The following MTUS1 variants were observed in gnomAD, a reference collection of about 807,000 sequenced individuals.
MTUS1 encodes the protein microtubule-associated tumor suppressor 1.
Under a neutral mutation model 120.8 loss-of-function variants are expected in MTUS1, and 109 were observed. The ratio of observed to expected loss-of-function variants is 0.90; its 90% confidence interval spans 0.77 to 1.06. The LOEUF is 1.06. Among genes scored for constraint, MTUS1 ranks in the 50% least tolerant of loss-of-function variants. The pLI, the probability that MTUS1 is intolerant of heterozygous loss-of-function variation, is 0.00. For synonymous variants in MTUS1, 737 were observed against 550.5 expected (o/e 1.34, Z -4.74); for missense variants, 2,210 against 1,486.3 (o/e 1.49, Z -8.01).
At chr8:17,659,623 G>A (rs1026687539) in intron 8 of MTUS1, among the ~76,000 whole-genome samples, 24 of 151,998 alleles carry the variant, frequency 1.6e-4, no homozygotes, top group African/African-American at 2.4e-4. Context: ...GCTTGAACCC[G>A]GGAGGCAGAG....
At chr8:17,713,118 T>C (rs1821656867) in intron 6 of MTUS1, 96 bp downstream of exon 6, 2 of 1,011,244 alleles carry the variant, frequency 2.0e-6, no homozygotes, top group East Asian at 4.8e-5. Flanking sequence ...AAATTCTACT[T>C]ATAAGCACAC....
chr8:17,646,644 C>A (rs966965608), intron 14 of MTUS1, among the ~76,000 whole-genome samples: 4 of 152,108 alleles, frequency 2.6e-5, no homozygotes, highest in Admixed American at 6.5e-5. Context: ...AGGCTGAGAG[C>A]CACTTTTGCA....
chr8:17,713,378 A>C (rs1821711951), intron 5 of MTUS1, 126 bp from the exon 6 acceptor site: 2 of 639,658 alleles, frequency 3.1e-6, no homozygotes, highest in African/African-American at 1.9e-5. Flanking sequence ...CCCGGTGGGA[A>C]ATATCACCGA....
rs182570547 is a variant in MTUS1, at chr8:17,696,606, C to T, written c.2624-12064G>A. Among the ~76,000 whole-genome samples the T allele has an allele frequency of 4.9e-4, 74 of 152,256 alleles. 2 individuals carry two copies. The highest frequency in any genetic ancestry group is 1.7e-3 in the African/African-American group (69 of 41,540). Reference sequence around the variant, plus strand: ...CTAAAAGTGAGCAGACAGGTCACCACGTGCCTAAAATATATACTAAATTTA... The same window carrying T: ...CTAAAAGTGAGCAGACAGGTCACCATGTGCCTAAAATATATACTAAATTTA... On this transcript the variant is annotated intron_variant, in intron 6 of 14. Transcript: ENST00000693296.
rs377602735 is a variant in MTUS1, at chr8:17,755,161, G to C, written c.647C>G (p.Thr216Arg). The C allele has an allele frequency of 5.0e-6, 8 of 1,613,982 alleles. No homozygotes were observed. The Admixed American group carries it at 1.3e-4, about 27-fold the overall frequency. ...STWTSSHSDK[T>R]HARETTYDRE... ...ATCATAAGTAGTTTCTCTTGCATGC[G>C]TCTTATCAGAATGGGAAGATGTCCA... is the stretch of plus-strand genomic sequence containing the variant. Residue 216 changes from threonine to arginine, a missense_variant, in exon 2 of 15, where the codon ACG (threonine) becomes AGG (arginine). Coordinates refer to ENST00000693296, the MANE Select transcript of MTUS1 (RefSeq NM_001363059.2).
Position 17,754,992 on chromosome 8 carries a change from G to T in MTUS1, c.816C>A (p.Thr272=), listed in dbSNP as rs369216304. 2.5e-6 allele frequency: 4 copies of T among 1,613,978 alleles called. No individual in the cohort carries two copies. In the African/African-American group the frequency reaches 4.0e-5, roughly 16 times the overall value. Residue 272 remains threonine, a synonymous_variant, in exon 2 of 15, where the codon ACC becomes ACA. Transcript: ENST00000693296. ...NQCACSSGKV[T]SEYTDGSQQR... is the part of the protein sequence containing the mutation. ...GTTGTGATCCATCTGTGTACTCACT[G>T]GTGACCTTTCCTGAAGAACATGCAC...
chr8:17,767,976 G>A (rs2049695141), intron 1 of MTUS1, among the ~76,000 whole-genome samples: 1 of 152,210 alleles, frequency 6.6e-6, no homozygotes, highest in South Asian at 2.1e-4. Context: ...ACGAGGCAAA[G>A]GAGAGGACAA....
At chr8:17,796,449 C>T (rs1586462741) in intron 1 of MTUS1, among the ~76,000 whole-genome samples, 1 of 152,216 alleles carries the variant, frequency 6.6e-6, no homozygotes, top group South Asian at 2.1e-4. Context: ...TGAAGCACTT[C>T]CAAGTTCGAC....
At chr8:17,766,334 G>C (rs1271396598) in intron 1 of MTUS1, among the ~76,000 whole-genome samples, 1 of 152,192 alleles carries the variant, frequency 6.6e-6, no homozygotes, top group African/African-American at 2.4e-5. Flanking sequence ...TAATGAGAAT[G>C]AGAAAATGTT....
rs1821369283 is a variant in MTUS1, at chr8:17,711,898, G to A, written c.2623+1316C>T. ...CAGGGAATAAGGAAGACCAAGAAAA[G>A]GGAGAGAGATGGAAGAGGGACCAGT... On this transcript the variant is annotated intron_variant, in intron 6 of 14. Transcript: ENST00000693296. Among the ~76,000 whole-genome samples, 3 of 152,282 alleles carry A rather than the reference G, an allele frequency of 2.0e-5. 1 individual carries two copies. The highest frequency in any genetic ancestry group is 3.9e-4 in the East Asian group (2 of 5,188).
chr8:17,725,989 C>T (rs910589367), intron 3 of MTUS1, among the ~76,000 whole-genome samples: 1 of 152,176 alleles, frequency 6.6e-6, no homozygotes, highest in African/African-American at 2.4e-5. Flanking sequence ...CTTCTTCCCC[C>T]TCAGGCCATG....
intron 2 of MTUS1, among the ~76,000 whole-genome samples, chr8:17,750,182 T>A (rs2048083358): frequency 1.3e-5 from 2 of 152,164 alleles, no homozygotes; most frequent in African/African-American, 4.8e-5. Flanking sequence ...TTAGGTGAAT[T>A]CAACAATAAC....
intron 8 of MTUS1, among the ~76,000 whole-genome samples, chr8:17,671,852 G>A (rs1031865925): frequency 2.1e-4 from 32 of 152,240 alleles, no homozygotes; most frequent in African/African-American, 7.5e-4. Flanking sequence ...TGATGACGGC[G>A]ATAGTGGCAG....
Position 17,693,959 on chromosome 8 carries a change from C to G in MTUS1, c.2624-9417G>C, listed in dbSNP as rs185455347. 3.9e-5 allele frequency among the ~76,000 whole-genome samples: 6 copies of G among 152,330 alleles called. No homozygotes were observed. The East Asian group carries it at 1.2e-3, about 29-fold the overall frequency. On this transcript the variant is annotated intron_variant, in intron 6 of 14. Coordinates refer to ENST00000693296, the MANE Select transcript of MTUS1 (RefSeq NM_001363059.2). The stretch of plus-strand genomic sequence containing the variant: ...GCAAGGGAAAGGCTGGAGGCACAGA[C>G]CAAATACTAAGCTCTTCAGAAAGCC...
chr8:17,676,247 G>GA (rs1563182030), intron 7 of MTUS1: 11 of 702,968 alleles, frequency 1.6e-5, no homozygotes, highest in Non-Finnish European at 2.9e-5. Context: ...CATTCTTCCA[G>GA]AAAAGCACTA....
intron 7 of MTUS1, among the ~76,000 whole-genome samples, chr8:17,677,794 G>C (rs1048345520): frequency 6.6e-6 from 1 of 152,108 alleles, no homozygotes; most frequent in Non-Finnish European, 1.5e-5. Flanking sequence ...AAGTCAGTTG[G>C]TTCTTCCCTT....
At chr8:17,794,029 G>C (rs1586448018) in intron 1 of MTUS1, among the ~76,000 whole-genome samples, 1 of 152,104 alleles carries the variant, frequency 6.6e-6, no homozygotes, top group Non-Finnish European at 1.5e-5. Context: ...GGCTGAGGCT[G>C]AGGAAAACCA....
rs755264238 is a variant in MTUS1 at position 17,753,875 on chromosome 8, T to C, written c.1933A>G (p.Met645Val). 6.2e-7 allele frequency: 1 copy of C among 1,614,142 alleles called. No individual in the cohort carries two copies. The highest frequency in any genetic ancestry group is 2.2e-5 in the East Asian group (1 of 44,884). The change falls in exon 2 of 15, where the codon ATG becomes GTG. Residue 645 changes from methionine to valine, a missense_variant. Met to Val is a conservative substitution (Grantham distance 21). Transcript: ENST00000693296. ...QKIKGILPVKMESAECLEMTY... is the reference protein window; with the variant it reads ...QKIKGILPVKVESAECLEMTY... ...ATTTCCAAACATTCTGCACTTTCCA[T>C]TTTAACAGGGAGTATGCCTTTGATC...
rs138370940 is a variant in MTUS1 at position 17,743,425 on chromosome 8, T to A, written c.2287+179A>T. Among the ~76,000 whole-genome samples, 20 of 152,304 alleles carry A rather than the reference T, an allele frequency of 1.3e-4. 1 individual carries two copies. Among genetic ancestry groups the A allele is most frequent in the African/African-American group, 4.1e-4 (17 of 41,580 alleles). On this transcript the variant is annotated intron_variant, in intron 3 of 14. Transcript: ENST00000693296. ...CTATACCTCTCTCCTCAACTAGCCT[T>A]TGCCTTGCTCAAAGATAAGGGATAT...
Sources: gnomAD v4.1 joint callset for allele counts (sites outside exome capture counted in the v4.1 genomes callset) on GRCh38, gnomAD v4.1.1 for gene constraint, MANE v1.5 for transcripts, NCBI Gene and HGNC (gene_info 2026-07-23, HGNC 2026-07-21) for gene names.